The following NPHP4 variants were observed in gnomAD, a reference collection of about 807,000 sequenced individuals.
NPHP4 encodes nephrocystin 4.
In NPHP4, 151 loss-of-function variants were observed where a neutral mutation model predicts 155.8. That is an observed-to-expected ratio of 0.97 (90% CI 0.85 to 1.11). The LOEUF (loss-of-function observed/expected upper bound fraction) is 1.11. Ranked by LOEUF, NPHP4 falls within the 50% of genes least tolerant of loss-of-function variation. NPHP4 has a pLI of 0.00. For synonymous variants in NPHP4, 845 were observed against 816.8 expected (o/e 1.03, Z -0.59); for missense variants, 1,956 against 1,925.7 (o/e 1.02, Z -0.29).
chr1:5,949,785 C>G (rs898744713), intron 7 of NPHP4, among the ~76,000 whole-genome samples: 1 of 152,106 alleles, frequency 6.6e-6, no homozygotes, highest in African/African-American at 2.4e-5. Flanking sequence ...TAGGCAGAGG[C>G]ATGCCTGAAT....
intron 3 of NPHP4, among the ~76,000 whole-genome samples, chr1:5,973,208 C>G (rs1033819446): frequency 7.9e-5 from 12 of 152,212 alleles, no homozygotes; most frequent in Non-Finnish European, 2.9e-5. Flanking sequence ...TTTTATCCCT[C>G]ACCCTCTAGG....
At chr1:5,894,290 C>CA (rs1644285722) in intron 16 of NPHP4, among the ~76,000 whole-genome samples, 3 of 151,946 alleles carry the variant, frequency 2.0e-5, no homozygotes, top group Admixed American at 1.3e-4. Flanking sequence ...CCTATCTCTA[C>CA]AAAAAACACA....
chr1:5,878,532 G>A (rs902203947), intron 19 of NPHP4, among the ~76,000 whole-genome samples: 4 of 152,236 alleles, frequency 2.6e-5, no homozygotes, highest in African/African-American at 9.6e-5. Flanking sequence ...CAGAGTGACC[G>A]TGAAACTGCA....
chr1:5,907,568 C>T (rs1644971876), intron 12 of NPHP4, among the ~76,000 whole-genome samples: 1 of 152,270 alleles, frequency 6.6e-6, no homozygotes, highest in Non-Finnish European at 1.5e-5. Flanking sequence ...GGACTGAGCA[C>T]CTCCAAGGCC....
At chr1:5,978,044 C>A (rs113600816) in intron 3 of NPHP4, among the ~76,000 whole-genome samples, 1 of 151,310 alleles carries the variant, frequency 6.6e-6, no homozygotes, top group Admixed American at 6.6e-5. Flanking sequence ...TCAACCAGAG[C>A]AGAGCAGAGC....
intron 2 of NPHP4, among the ~76,000 whole-genome samples, chr1:5,983,164 T>C (rs1416818319): frequency 2.6e-5 from 4 of 152,172 alleles, no homozygotes; most frequent in Non-Finnish European, 5.9e-5. Context: ...TTTCAATAAT[T>C]GAGAGAAGAA....
At chr1:5,967,911 A>G (rs1285275050) in intron 4 of NPHP4, among the ~76,000 whole-genome samples, 1 of 151,930 alleles carries the variant, frequency 6.6e-6, no homozygotes, top group African/African-American at 2.4e-5. Flanking sequence ...CAAGCTTGAG[A>G]AACCCTGACT....
chr1:5,877,333 T>G, intron 19 of NPHP4, 35 bp from the exon 20 acceptor site: 2 of 1,517,586 alleles, frequency 1.3e-6, no homozygotes, highest in East Asian at 2.4e-5. Flanking sequence ...CAGGTAGACG[T>G]GCAGTGTCTG....
At chr1:5,877,586 G>A (rs1313648256) in intron 19 of NPHP4, 1 of 303,746 alleles carries the variant, frequency 3.3e-6, no homozygotes, top group Non-Finnish European at 6.0e-6. Context: ...GGGTTTTCTA[G>A]GGAAGAAGGC....
intron 12 of NPHP4, among the ~76,000 whole-genome samples, chr1:5,908,085 G>GT: frequency 6.6e-6 from 1 of 152,202 alleles, no homozygotes; most frequent in African/African-American, 2.4e-5. Flanking sequence ...AGGCCCCAAT[G>GT]TATGAAGAGG....
intron 6 of NPHP4, among the ~76,000 whole-genome samples, chr1:5,960,629 T>G (rs72859114): frequency 0.053 from 8,010 of 151,964 alleles, 692 homozygotes; most frequent in African/African-American, 0.18. Context: ...GACATCTCCA[T>G]CACATGACAG....
intron 29 of NPHP4, 107 bp downstream of exon 29, chr1:5,863,783 G>A (rs1640889329): frequency 7.9e-7 from 1 of 1,268,384 alleles, no homozygotes; most frequent in Admixed American, 1.8e-5. Flanking sequence ...GGGGCTTTTG[G>A]AAGACTGCTG....
chr1:5,965,468 A>G (rs1651315530), intron 5 of NPHP4, among the ~76,000 whole-genome samples: 2 of 152,210 alleles, frequency 1.3e-5, no homozygotes, highest in South Asian at 4.1e-4. Flanking sequence ...AAATCCCAGC[A>G]TATGACTAAT....
At chr1:5,912,789 C>T (rs1487296501) in intron 11 of NPHP4, among the ~76,000 whole-genome samples, 3 of 152,152 alleles carry the variant, frequency 2.0e-5, no homozygotes, top group South Asian at 2.1e-4. Context: ...GAGACCTCCA[C>T]GGCAAGCAGC....
At chr1:5,886,746 G>A (rs1051060008) in intron 18 of NPHP4, 4 of 152,866 alleles carry the variant, frequency 2.6e-5, no homozygotes, top group African/African-American at 9.7e-5. Flanking sequence ...GGACCCTCCT[G>A]AGCCACCCAA....
intron 4 of NPHP4, among the ~76,000 whole-genome samples, chr1:5,968,143 G>T (rs1386168968): frequency 6.6e-6 from 1 of 151,800 alleles, no homozygotes; most frequent in East Asian, 1.9e-4. Context: ...ATATACAGAT[G>T]AATAAATTCA....
chr1:5,931,596 T>G (rs10864262), intron 10 of NPHP4, among the ~76,000 whole-genome samples: 3 of 151,434 alleles, frequency 2.0e-5, no homozygotes, highest in African/African-American at 4.9e-5. Context: ...TAGCCAGGCA[T>G]GGTGGTGGGC....
chr1:5,881,133 A>T (rs1643243461), intron 18 of NPHP4: 1 of 152,032 alleles, frequency 6.6e-6, no homozygotes. Context: ...TAGGGGAGGG[A>T]GGGACTTCCA....
rs1168443158 is a variant in NPHP4 at position 5,910,848 on chromosome 1, C to T, written c.1442-1635G>A. 1.3e-5 allele frequency among the ~76,000 whole-genome samples: 2 copies of T among 152,176 alleles called. No individual in the cohort carries two copies. Among genetic ancestry groups the T allele is most frequent in the Non-Finnish European group, 2.9e-5 (2 of 68,022 alleles). ...CCCAGCTGCAGGATCTGGTGGAAAC[C>T]CTGCTAAGGGCCTGTGGATGGGTGG... On this transcript the variant is annotated intron_variant, in intron 11 of 29. Transcript: ENST00000378156. The surrounding 1 kb of genome is among the most constrained non-coding windows in gnomAD (Gnocchi z 5.4).
Sources: allele counts gnomAD v4.1 joint callset (sites outside exome capture counted in the v4.1 genomes callset), GRCh38; gene constraint gnomAD v4.1.1; non-coding constraint Gnocchi (gnomAD v3.1); transcripts MANE v1.5; gene names NCBI Gene and HGNC (gene_info 2026-07-23, HGNC 2026-07-21).